STRN3: variants seen among roughly 807,000 people sequenced by gnomAD.
STRN3 encodes striatin 3, also known as striatin-3.
Under a neutral mutation model 95.6 loss-of-function variants are expected in STRN3, and 29 were observed. That is an observed-to-expected ratio of 0.30 (90% CI 0.23 to 0.41). The LOEUF is 0.41. Ranked by LOEUF, STRN3 falls within the 10% of genes least tolerant of loss-of-function variation. The pLI is 1.00. For missense variants in STRN3, 890 were observed against 972.1 expected (o/e 0.92, Z 1.12); for synonymous variants, 331 against 357.6 (o/e 0.93, Z 0.84).
At chr14:30,927,140 C>T (rs978824324) in intron 8 of STRN3, among the ~76,000 whole-genome samples, 4 of 151,950 alleles carry the variant, frequency 2.6e-5, no homozygotes, top group African/African-American at 9.7e-5. Flanking sequence ...CCCATCTCTA[C>T]AAAAAATTTT....
intron 9 of STRN3, among the ~76,000 whole-genome samples, chr14:30,916,157 T>C (rs916794675): frequency 1.3e-5 from 2 of 152,158 alleles, no homozygotes; most frequent in African/African-American, 4.8e-5. Context: ...TTGCCCTTAT[T>C]TCCCTGCAGA....
intron 1 of STRN3, among the ~76,000 whole-genome samples, chr14:30,970,187 C>T (rs1880754720): frequency 6.6e-6 from 1 of 152,176 alleles, no homozygotes; most frequent in Non-Finnish European, 1.5e-5. Context: ...TGGGGACTTG[C>T]CAAGTCAAAG....
chr14:30,948,753 G>C (rs1030045463), intron 4 of STRN3, among the ~76,000 whole-genome samples: 1 of 152,208 alleles, frequency 6.6e-6, no homozygotes, highest in Non-Finnish European at 1.5e-5. Flanking sequence ...GAAAGATAAA[G>C]GTGGCAAGAG....
chr14:31,022,463 A>C (rs547968235), intron 1 of STRN3, among the ~76,000 whole-genome samples: 184 of 152,222 alleles, frequency 1.2e-3, no homozygotes, highest in African/African-American at 4.4e-3. Flanking sequence ...TTGGCAAACA[A>C]GCATTTTGTA....
intron 15 of STRN3, among the ~76,000 whole-genome samples, chr14:30,903,472 G>A (rs1429586612): frequency 1.3e-5 from 2 of 152,102 alleles, no homozygotes; most frequent in African/African-American, 4.8e-5. Flanking sequence ...TGCAATCATA[G>A]CTCACTGTAA....
intron 3 of STRN3, among the ~76,000 whole-genome samples, chr14:30,952,027 A>C (rs564773442): frequency 6.6e-6 from 1 of 152,222 alleles, no homozygotes; most frequent in South Asian, 2.1e-4. Flanking sequence ...CTGAGGCAAA[A>C]GGATCGCTTG....
chr14:30,960,699 C>T (rs542591309), intron 1 of STRN3, among the ~76,000 whole-genome samples: 2 of 151,826 alleles, frequency 1.3e-5, no homozygotes, highest in Non-Finnish European at 2.9e-5. Context: ...GAAACCCCGC[C>T]TCTACTAAAA....
intron 8 of STRN3, among the ~76,000 whole-genome samples, chr14:30,922,479 C>T (rs765538614): frequency 5.7e-4 from 87 of 152,312 alleles, no homozygotes; most frequent in Admixed American, 1.0e-3. Context: ...GTTACATTTT[C>T]AAATTCCGCT....
intron 1 of STRN3, among the ~76,000 whole-genome samples, chr14:30,981,010 A>G (rs577718133): frequency 6.6e-5 from 10 of 152,226 alleles, no homozygotes; most frequent in Middle Eastern, 3.4e-3. Flanking sequence ...CACTACTCAA[A>G]AACAGTAGGT....
intron 1 of STRN3, among the ~76,000 whole-genome samples, chr14:30,971,172 C>G (rs891917582): frequency 1.2e-4 from 19 of 152,198 alleles, no homozygotes; most frequent in Non-Finnish European, 1.5e-5. Flanking sequence ...TTGTTCATCC[C>G]CGAGCAGATG....
intron 8 of STRN3, among the ~76,000 whole-genome samples, chr14:30,927,749 A>G (rs1424820495): frequency 6.6e-6 from 1 of 151,800 alleles, no homozygotes; most frequent in South Asian, 2.1e-4. Flanking sequence ...TAACGCAGTA[A>G]ATCTCCGTCT....
At chr14:30,965,727 T>C (rs1252803598) in intron 1 of STRN3, among the ~76,000 whole-genome samples, 1 of 127,610 alleles carries the variant, frequency 7.8e-6, no homozygotes, top group Non-Finnish European at 1.5e-5. Flanking sequence ...GGAACGAGAA[T>C]CGCTTGTACC....
At chr14:31,007,747 A>T (rs1882783821) in intron 1 of STRN3, among the ~76,000 whole-genome samples, 1 of 152,004 alleles carries the variant, frequency 6.6e-6, no homozygotes, top group African/African-American at 2.4e-5. Context: ...ACAAAAATAA[A>T]AAAAAAAAAA....
chr14:30,895,296 T>G lies in STRN3; in HGVS notation c.*115A>C. ...TCCACCAATTTGTGCCTGCCCCAGA[T>G]AGCCTTCACCAGGCAGATCACATGT... On this transcript the variant is annotated 3_prime_UTR_variant, in exon 18 of 18. Transcript: ENST00000357479. 9.6e-7 allele frequency: 1 copy of G among 1,047,100 alleles called. No homozygotes were observed. Among genetic ancestry groups the G allele is most frequent in the South Asian group, 1.9e-5 (1 of 52,560 alleles). The allele number at this position is 1,047,100 out of a possible 1,614,324, so 64.9% of individuals were successfully genotyped here.
chr14:30,986,343 C>T (rs780424295), intron 1 of STRN3, among the ~76,000 whole-genome samples: 9 of 152,142 alleles, frequency 5.9e-5, no homozygotes, highest in Non-Finnish European at 1.3e-4. Flanking sequence ...GCTCGGTCAA[C>T]CGTTTAGAAA....
chr14:30,908,040 A>G (rs1896512389), intron 13 of STRN3, among the ~76,000 whole-genome samples: 1 of 152,174 alleles, frequency 6.6e-6, no homozygotes, highest in Non-Finnish European at 1.5e-5. Context: ...CGTAATATAT[A>G]AATGATTAGT....
intron 1 of STRN3, among the ~76,000 whole-genome samples, chr14:30,985,352 C>A (rs1472307405): frequency 6.6e-6 from 1 of 151,340 alleles, no homozygotes; most frequent in African/African-American, 2.4e-5. Flanking sequence ...ACCTGTAATC[C>A]CAGCACTTTT....
chr14:30,923,999 G>T (rs980482209), intron 8 of STRN3, among the ~76,000 whole-genome samples: 1 of 151,666 alleles, frequency 6.6e-6, no homozygotes, highest in Non-Finnish European at 1.5e-5. Context: ...TTTTACAAAA[G>T]ATTAATTCAA....
At chr14:30,920,509 C>T (rs1223524935) in intron 8 of STRN3, among the ~76,000 whole-genome samples, 1 of 152,146 alleles carries the variant, frequency 6.6e-6, no homozygotes, top group Non-Finnish European at 1.5e-5. Context: ...ATGACTACCA[C>T]CACCATTTAT....
Sources: allele counts gnomAD v4.1 joint callset (sites outside exome capture counted in the v4.1 genomes callset), GRCh38; gene constraint gnomAD v4.1.1; transcripts MANE v1.5; gene names NCBI Gene and HGNC (gene_info 2026-07-23, HGNC 2026-07-21).